The following JAZF1 variants were observed in gnomAD, a reference collection of about 807,000 sequenced individuals.
JAZF1 encodes the protein juxtaposed with another zinc finger protein 1.
In JAZF1, 8 loss-of-function variants were observed where a neutral mutation model predicts 26.4. The observed-to-expected ratio is 0.30, with a 90% CI of 0.18 to 0.55. The LOEUF (loss-of-function observed/expected upper bound fraction) is 0.55, where lower values mean the gene tolerates loss of function less well. Ranked by LOEUF, JAZF1 falls within the 20% of genes least tolerant of loss-of-function variation. The pLI, the probability that JAZF1 is intolerant of heterozygous loss-of-function variation, is 0.94. For missense variants in JAZF1, 199 were observed against 322.0 expected, an observed-to-expected ratio of 0.62 and a Z score of 2.92; for synonymous variants, 126 against 122.3, an observed-to-expected ratio of 1.03 and a Z score of -0.20.
intron 1 of JAZF1, chr7:28,020,725 A>G (rs1583513195): frequency 4.2e-6 from 2 of 471,004 alleles, no homozygotes; most frequent in Non-Finnish European, 8.8e-6. Flanking sequence ...GTCCCTCCCA[A>G]CTGCATCCAT....
intron 3 of JAZF1, among the ~76,000 whole-genome samples, chr7:27,876,514 A>G (rs1783683433): frequency 6.6e-6 from 1 of 152,186 alleles, no homozygotes; most frequent in African/African-American, 2.4e-5. Context: ...GATTTTGCTA[A>G]GTACTTAAAG....
intron 2 of JAZF1, among the ~76,000 whole-genome samples, chr7:27,982,017 G>A (rs1316820086): frequency 2.6e-5 from 4 of 152,186 alleles, no homozygotes; most frequent in African/African-American, 9.7e-5. Flanking sequence ...GGCCGAATAG[G>A]AACTGCTCCA....
intron 1 of JAZF1, among the ~76,000 whole-genome samples, chr7:28,136,303 G>C (rs1782885423): frequency 6.6e-6 from 1 of 152,216 alleles, no homozygotes; most frequent in South Asian, 2.1e-4. Context: ...TGGTAGGCCT[G>C]GGATTCCAAA....
chr7:27,908,414 G>C (rs1784300652), intron 2 of JAZF1, among the ~76,000 whole-genome samples: 1 of 152,196 alleles, frequency 6.6e-6, no homozygotes, highest in Non-Finnish European at 1.5e-5. Context: ...CAAGCTTACA[G>C]ACCTCAAGTC....
chr7:27,970,249 A>G (rs1429238710), intron 2 of JAZF1, among the ~76,000 whole-genome samples: 1 of 152,244 alleles, frequency 6.6e-6, no homozygotes, highest in East Asian at 1.9e-4. Flanking sequence ...AGGTATTAGT[A>G]TGGAGAGGTT....
At chr7:28,147,475 C>T (rs893811641) in intron 1 of JAZF1, among the ~76,000 whole-genome samples, 4 of 149,766 alleles carry the variant, frequency 2.7e-5, no homozygotes, top group Non-Finnish European at 4.4e-5. Context: ...ATCACTTTTC[C>T]TCTACTAGTA....
chr7:28,048,841 C>G (rs1783539695), intron 1 of JAZF1, among the ~76,000 whole-genome samples: 1 of 152,170 alleles, frequency 6.6e-6, no homozygotes, highest in Admixed American at 6.5e-5. Context: ...GAAGCCAGTA[C>G]TGACACGTTA....
chr7:27,888,501 C>T (rs1783910027), intron 3 of JAZF1, among the ~76,000 whole-genome samples: 1 of 152,148 alleles, frequency 6.6e-6, no homozygotes, highest in Non-Finnish European at 1.5e-5. Flanking sequence ...CAACTCCATT[C>T]AGATAGAGCT....
chr7:27,983,993 A>G (rs941248699), intron 2 of JAZF1, among the ~76,000 whole-genome samples: 2 of 152,228 alleles, frequency 1.3e-5, no homozygotes, highest in Non-Finnish European at 2.9e-5. Context: ...CCACTGCAAA[A>G]ACATGCCAAA....
At chr7:28,030,128 G>A (rs1344853356) in intron 1 of JAZF1, among the ~76,000 whole-genome samples, 2 of 152,230 alleles carry the variant, frequency 1.3e-5, no homozygotes, top group Non-Finnish European at 2.9e-5. Flanking sequence ...AGCAGCAAGA[G>A]CCCTGTAGGG....
At chr7:28,164,956 C>G (rs1783343506) in intron 1 of JAZF1, among the ~76,000 whole-genome samples, 1 of 152,082 alleles carries the variant, frequency 6.6e-6, no homozygotes. Context: ...ATCACTTTAG[C>G]CCAGGAGTTT....
chr7:27,876,350 T>A (rs1419578407), intron 3 of JAZF1, among the ~76,000 whole-genome samples: 2 of 152,212 alleles, frequency 1.3e-5, no homozygotes, highest in African/African-American at 2.4e-5. Context: ...TACTGGACTC[T>A]AGAATAGCTT....
At chr7:28,043,019 A>G (rs1049784793) in intron 1 of JAZF1, among the ~76,000 whole-genome samples, 2 of 152,192 alleles carry the variant, frequency 1.3e-5, no homozygotes, top group Non-Finnish European at 2.9e-5. Context: ...CTCCTGCTGT[A>G]CTATGATCCT....
intron 1 of JAZF1, among the ~76,000 whole-genome samples, chr7:28,049,818 CA>C (rs1344380410): frequency 6.6e-6 from 1 of 152,102 alleles, no homozygotes; most frequent in African/African-American, 2.4e-5. Context: ...GGGAAAGAGG[CA>C]CAGAACTTCC....
At chr7:27,839,754 G>GAAA (rs1782885618) in intron 4 of JAZF1, among the ~76,000 whole-genome samples, 1 of 152,188 alleles carries the variant, frequency 6.6e-6, no homozygotes, top group Non-Finnish European at 1.5e-5. Context: ...TAGCTGCTAT[G>GAAA]AAAAGTACTG....
At chr7:28,132,096 AT>A (rs1253945246) in intron 1 of JAZF1, among the ~76,000 whole-genome samples, 1 of 152,146 alleles carries the variant, frequency 6.6e-6, no homozygotes, top group East Asian at 1.9e-4. Context: ...ATTACATGTA[AT>A]TTTCCTACTA....
intron 1 of JAZF1, among the ~76,000 whole-genome samples, chr7:28,124,340 TG>T (rs1782663785): frequency 6.6e-6 from 1 of 152,162 alleles, no homozygotes; most frequent in East Asian, 1.9e-4. Context: ...TGTCCAAAGC[TG>T]TGAAAAAAAT....
chr7:27,899,842 G>C (rs918710597), intron 2 of JAZF1, among the ~76,000 whole-genome samples: 2 of 152,156 alleles, frequency 1.3e-5, no homozygotes, highest in African/African-American at 2.4e-5. Flanking sequence ...GGTCATTTAG[G>C]ATAGTGGCAG....
intron 1 of JAZF1, among the ~76,000 whole-genome samples, chr7:28,158,203 AGG>A (rs1491439668): frequency 1.5e-4 from 23 of 150,560 alleles, no homozygotes; most frequent in South Asian, 4.2e-4. Flanking sequence ...AGAGAGAGAG[AGG>A]GAGAGAGAGA....
Sources: gnomAD v4.1 joint callset for allele counts (sites outside exome capture counted in the v4.1 genomes callset) on GRCh38, gnomAD v4.1.1 for gene constraint, MANE v1.5 for transcripts, NCBI Gene and HGNC (gene_info 2026-07-23, HGNC 2026-07-21) for gene names.